Variants in ARHGAP29 observed in about 807,000 individuals in gnomAD.
The protein encoded by ARHGAP29 is Rho GTPase activating protein 29, also known as rho GTPase-activating protein 29.
ARHGAP29 carries 43 observed loss-of-function variants against 122.6 expected under a neutral mutation model. That is an observed-to-expected ratio of 0.35 (90% confidence interval 0.27 to 0.45). The LOEUF (loss-of-function observed/expected upper bound fraction) is 0.45. ARHGAP29 is among the 20% of genes least tolerant of loss of function. ARHGAP29 has a pLI of 1.00. For synonymous variants in ARHGAP29, 506 were observed against 497.1 expected (o/e 1.02, Z -0.24); for missense variants, 1,303 against 1,477.2 (o/e 0.88, Z 1.93).
At chr1:94,213,834 G>A (rs775569447) in intron 3 of ARHGAP29, among the ~76,000 whole-genome samples, 2 of 152,194 alleles carry the variant, frequency 1.3e-5, no homozygotes, top group Non-Finnish European at 2.9e-5. Context: ...AACAGAGCCT[G>A]TTACATAGAA....
At chr1:94,246,262 A>G (rs1653790516) in intron 1 of ARHGAP29, among the ~76,000 whole-genome samples, 1 of 152,196 alleles carries the variant, frequency 6.6e-6, no homozygotes, top group South Asian at 2.1e-4. Context: ...AAACTGCGTA[A>G]AGAAATCACT....
intron 3 of ARHGAP29, among the ~76,000 whole-genome samples, chr1:94,217,848 C>CT (rs1255166407): frequency 8.8e-4 from 23 of 26,274 alleles, no homozygotes; most frequent in Non-Finnish European, 1.8e-3. Context: ...GACCCTATCT[C>CT]TTAAAAAAAA....
chr1:94,205,201 G>C lies in ARHGAP29; in HGVS notation c.560-3C>G, dbSNP rs1651114847. ...TAGTTCTAAAGGGGAAAAATTTCCT[G>C]AAAACAAAAATATCAAGGTAAGTAT... On this transcript the variant is annotated splice_region_variant and splice_polypyrimidine_tract_variant and intron_variant, in intron 6 of 22. Coordinates refer to ENST00000260526, the MANE Select transcript of ARHGAP29 (RefSeq NM_004815.4). 3.8e-6 allele frequency: 6 copies of C among 1,570,642 alleles called. No homozygotes were observed. In the East Asian group the frequency reaches 1.4e-4, roughly 36 times the overall value.
the ARHGAP29 span, among the ~76,000 whole-genome samples, chr1:94,304,720 A>G: frequency 3.3e-5 from 5 of 152,318 alleles, no homozygotes; most frequent in African/African-American, 1.2e-4. Context: ...TTTCTTAAGG[A>G]TGCTGATGCA....
chr1:94,231,659 A>T lies in ARHGAP29; in HGVS notation c.-32-16T>A, dbSNP rs775471318. ...AACTGAAATCCTTAAGGGGGCAAGA[A>T]ACAAAACAAAAACAAGCGAGGAGAG... On this transcript the variant is annotated splice_polypyrimidine_tract_variant and intron_variant, in intron 1 of 22. Coordinates refer to ENST00000260526, the MANE Select transcript of ARHGAP29 (RefSeq NM_004815.4). 21 of 1,561,972 alleles carry T rather than the reference A, an allele frequency of 1.3e-5. No homozygotes were observed. In the African/African-American group the frequency reaches 2.5e-4, roughly 18 times the overall value.
At chr1:94,245,911 T>G (rs1404295142) in intron 1 of ARHGAP29, among the ~76,000 whole-genome samples, 1 of 152,202 alleles carries the variant, frequency 6.6e-6, no homozygotes, top group Non-Finnish European at 1.5e-5. Flanking sequence ...CCCATGTTCC[T>G]AGGTCAAGAG....
intron 1 of ARHGAP29, among the ~76,000 whole-genome samples, chr1:94,260,444 A>G (rs537879937): frequency 6.6e-6 from 1 of 152,322 alleles, no homozygotes; most frequent in East Asian, 1.9e-4. Flanking sequence ...AAGCTCCTAT[A>G]TCCCATCCTC....
the ARHGAP29 span, among the ~76,000 whole-genome samples, chr1:94,308,118 TTTGA>T: frequency 6.6e-6 from 1 of 152,340 alleles, no homozygotes; most frequent in East Asian, 1.9e-4. Context: ...CTCAAATTAC[TTTGA>T]TTGTGCTACA....
intron 1 of ARHGAP29, among the ~76,000 whole-genome samples, chr1:94,258,735 C>G (rs1430985678): frequency 6.6e-6 from 1 of 152,198 alleles, no homozygotes; most frequent in African/African-American, 2.4e-5. Flanking sequence ...ATCTTATTTA[C>G]TCTTCACAAT....
At chr1:94,232,287 T>C (rs1489094386) in intron 1 of ARHGAP29, among the ~76,000 whole-genome samples, 1 of 152,140 alleles carries the variant, frequency 6.6e-6, no homozygotes, top group Non-Finnish European at 1.5e-5. Flanking sequence ...CATGACGCGA[T>C]GATACAGAAG....
chr1:94,204,033 T>C (rs1250284648), intron 7 of ARHGAP29, 39 bp from the exon 8 acceptor site: 4 of 1,551,080 alleles, frequency 2.6e-6, no homozygotes, highest in African/African-American at 2.7e-5. Context: ...GTAAAATCAA[T>C]TTATTTTTCC....
intron 15 of ARHGAP29, among the ~76,000 whole-genome samples, chr1:94,187,278 G>GT (rs1184266909): frequency 3.3e-5 from 5 of 152,160 alleles, no homozygotes; most frequent in African/African-American, 4.8e-5. Flanking sequence ...TCACCTTAAC[G>GT]TAAGGCCTTA....
intron 19 of ARHGAP29, among the ~76,000 whole-genome samples, chr1:94,182,117 T>A (rs1649506304): frequency 6.6e-6 from 1 of 150,600 alleles, no homozygotes. Flanking sequence ...AAATTATAAA[T>A]ATCCTCAGAT....
chr1:94,296,096 C>A, the ARHGAP29 span, among the ~76,000 whole-genome samples: 1 of 152,102 alleles, frequency 6.6e-6, no homozygotes, highest in Admixed American at 6.5e-5. Context: ...CATGGTCAAC[C>A]ACAGTCTGAG....
At chr1:94,272,373 G>T (rs1361694889) in intron 1 of ARHGAP29, among the ~76,000 whole-genome samples, 1 of 152,210 alleles carries the variant, frequency 6.6e-6, no homozygotes, top group Non-Finnish European at 1.5e-5. Flanking sequence ...CCTTGAACTT[G>T]TGTGGAGAAG....
chr1:94,244,519 C>T (rs917396955), intron 1 of ARHGAP29, among the ~76,000 whole-genome samples: 2 of 151,978 alleles, frequency 1.3e-5, no homozygotes, highest in African/African-American at 4.8e-5. Flanking sequence ...CAGGTTTTCT[C>T]CTTAAGATCA....
chr1:94,311,655 A>G, the ARHGAP29 span, among the ~76,000 whole-genome samples: 2 of 152,172 alleles, frequency 1.3e-5, no homozygotes, highest in East Asian at 1.9e-4. Flanking sequence ...TGATTTCCTC[A>G]GTCAACTCAC....
rs779123086 is a variant in ARHGAP29, at chr1:94,205,038, A to G, written c.697+23T>C. ...CAACTTAATTATTATACTCTAAATC[A>G]GATGCTTTAAAAGGCAACTCACCCA... On this transcript the variant is annotated intron_variant, in intron 7 of 22. Transcript: ENST00000260526. 5.2e-6 allele frequency: 8 copies of G among 1,548,812 alleles called. No homozygotes were observed. In the East Asian group the frequency reaches 7.1e-5, roughly 14 times the overall value.
rs756253443 is a variant in ARHGAP29, at chr1:94,173,865, A to G, written c.*4T>C. On this transcript the variant is annotated 3_prime_UTR_variant, in exon 23 of 23. Coordinates refer to ENST00000260526, the MANE Select transcript of ARHGAP29 (RefSeq NM_004815.4). The stretch of plus-strand genomic sequence containing the variant: ...CAACAAAAAAACCCTGAAATTTGAC[A>G]TCCCTACACAAATTGTGGAATTTCA... 1 of 1,574,210 alleles carries G rather than the reference A, an allele frequency of 6.4e-7. No homozygotes were observed. Among genetic ancestry groups the G allele is most frequent in the Admixed American group, 1.9e-5 (1 of 53,370 alleles).
Sources: allele counts gnomAD v4.1 joint callset (sites outside exome capture counted in the v4.1 genomes callset), GRCh38; gene constraint gnomAD v4.1.1; transcripts MANE v1.5; gene names NCBI Gene and HGNC (gene_info 2026-07-23, HGNC 2026-07-21).